Variants in RAB40C observed in about 807,000 individuals in gnomAD.
RAB40C encodes the protein RAB40C, member RAS oncogene family.
A neutral mutation model predicts 28.1 loss-of-function variants in RAB40C; 8 were observed. That is an observed-to-expected ratio of 0.28 (90% CI 0.17 to 0.51). The LOEUF is 0.51. RAB40C is among the 20% of genes least tolerant of loss of function. The probability of loss-of-function intolerance (pLI) is 0.97; values close to 1 mark genes in which losing one functional copy is unlikely to be tolerated. For synonymous variants in RAB40C, 201 were observed against 171.7 expected (o/e 1.17, Z -1.34); for missense variants, 288 against 405.9 (o/e 0.71, Z 2.50).
chr16:593,567 C>T (rs2036047345), intron 1 of RAB40C, among the ~76,000 whole-genome samples: 1 of 152,244 alleles, frequency 6.6e-6, no homozygotes, highest in Non-Finnish European at 1.5e-5. Flanking sequence ...GATCGCTTAC[C>T]TGCCTGGAAG....
chr16:601,750 C>T (rs952198990), intron 1 of RAB40C, among the ~76,000 whole-genome samples: 3 of 142,222 alleles, frequency 2.1e-5, no homozygotes, highest in African/African-American at 5.2e-5. Context: ...TCAAGGCAGG[C>T]GATCCCCTGA....
intron 4 of RAB40C, 130 bp downstream of exon 4, chr16:625,639 C>A (rs373184120): frequency 3.0e-6 from 3 of 1,003,790 alleles, no homozygotes; most frequent in Non-Finnish European, 3.0e-6. Flanking sequence ...CACTGTCCCA[C>A]GGCCTACGCC....
At chr16:595,132 G>A (rs987959629) in intron 1 of RAB40C, among the ~76,000 whole-genome samples, 1 of 152,174 alleles carries the variant, frequency 6.6e-6, no homozygotes, top group Non-Finnish European at 1.5e-5. Flanking sequence ...GTGAGGTGCC[G>A]GGTTTTCCAG....
intron 1 of RAB40C, among the ~76,000 whole-genome samples, chr16:614,640 C>T (rs1012485894): frequency 2.0e-5 from 3 of 150,948 alleles, no homozygotes; most frequent in Non-Finnish European, 4.4e-5. Flanking sequence ...CTAACTCTGC[C>T]GTATCCCGAT....
intron 1 of RAB40C, among the ~76,000 whole-genome samples, chr16:602,630 A>C (rs2036277683): frequency 6.6e-6 from 1 of 151,822 alleles, no homozygotes; most frequent in Non-Finnish European, 1.5e-5. Context: ...ATGAGGTTTC[A>C]CCATGTCGGC....
intron 1 of RAB40C, among the ~76,000 whole-genome samples, chr16:611,847 C>T (rs1336995501): frequency 2.8e-5 from 1 of 35,970 alleles, no homozygotes; most frequent in African/African-American, 1.5e-4. Context: ...GACAGCCGCC[C>T]TGGCCTGTAG....
At chr16:615,749 G>A (rs2036573004) in intron 1 of RAB40C, among the ~76,000 whole-genome samples, 1 of 152,076 alleles carries the variant, frequency 6.6e-6, no homozygotes, top group Non-Finnish European at 1.5e-5. Flanking sequence ...ATCACCTGAG[G>A]TCAGGAATTT....
intron 3 of RAB40C, among the ~76,000 whole-genome samples, chr16:622,107 G>A (rs150296815): frequency 3.9e-5 from 6 of 152,296 alleles, no homozygotes; most frequent in East Asian, 3.9e-4. Flanking sequence ...TTCAAACCTC[G>A]GATCTTTGTA....
chr16:594,812 G>A (rs956281936), intron 1 of RAB40C, among the ~76,000 whole-genome samples: 5 of 146,968 alleles, frequency 3.4e-5, no homozygotes, highest in African/African-American at 1.3e-4. Context: ...GGTTTTGCTC[G>A]TCTTCCTTTT....
At chr16:606,848 A>G (rs936043198) in intron 1 of RAB40C, among the ~76,000 whole-genome samples, 5 of 152,176 alleles carry the variant, frequency 3.3e-5, no homozygotes, top group African/African-American at 1.2e-4. Context: ...AATTGGCCCC[A>G]CCCAGATAAT....
At chr16:602,938 A>C (rs1567186455) in intron 1 of RAB40C, among the ~76,000 whole-genome samples, 1 of 152,302 alleles carries the variant, frequency 6.6e-6, no homozygotes, top group South Asian at 2.1e-4. Context: ...GTAATCATTG[A>C]AAGTAATCTG....
At chr16:622,862 G>A (rs1232008056) in intron 3 of RAB40C, among the ~76,000 whole-genome samples, 1 of 152,204 alleles carries the variant, frequency 6.6e-6, no homozygotes, top group Non-Finnish European at 1.5e-5. Flanking sequence ...CAGTGGAAGA[G>A]TCTGTTTGTC....
chr16:625,376 C>T (rs1478746114), intron 3 of RAB40C, 56 bp from the exon 4 acceptor site: 1 of 1,589,686 alleles, frequency 6.3e-7, no homozygotes, highest in Non-Finnish European at 8.6e-7. Flanking sequence ...CGTCCCTGGG[C>T]CTGGGCTGGC....
chr16:594,671 C>T (rs1266712891), intron 1 of RAB40C, among the ~76,000 whole-genome samples: 1 of 152,084 alleles, frequency 6.6e-6, no homozygotes, highest in Non-Finnish European at 1.5e-5. Context: ...CTGAGGGTTT[C>T]GTGGGAGGTT....
At chr16:601,578 G>C (rs953754697) in intron 1 of RAB40C, among the ~76,000 whole-genome samples, 1 of 152,020 alleles carries the variant, frequency 6.6e-6, no homozygotes, top group Non-Finnish European at 1.5e-5. Flanking sequence ...AGTTCACTAG[G>C]GCCATGCATG....
At chr16:619,596 G>A (rs1200857476) in intron 3 of RAB40C, among the ~76,000 whole-genome samples, 3 of 152,176 alleles carry the variant, frequency 2.0e-5, no homozygotes, top group African/African-American at 7.2e-5. Context: ...TGTCTGTGAT[G>A]CCCCTAAGAG....
intron 1 of RAB40C, among the ~76,000 whole-genome samples, chr16:601,513 G>A (rs1000255595): frequency 1.3e-5 from 2 of 152,100 alleles, no homozygotes; most frequent in African/African-American, 4.8e-5. Flanking sequence ...CCCCGCCGCA[G>A]CCGCGTCAGC....
chr16:605,407 C>A (rs189930249), intron 1 of RAB40C, among the ~76,000 whole-genome samples: 219 of 152,318 alleles, frequency 1.4e-3, no homozygotes, highest in Middle Eastern at 3.4e-3. Flanking sequence ...GTCTGCAATA[C>A]AGTGAGTGCG....
In RAB40C at chr16:627,661, G is replaced by A. The variant is rs548693167; in HGVS notation, c.*39G>A. On this transcript the variant is annotated 3_prime_UTR_variant, in exon 6 of 6. Coordinates refer to ENST00000248139, the MANE Select transcript of RAB40C (RefSeq NM_021168.5). ...GGCCGCCTGTGCAGATGCCAGGAGG[G>A]CTCGAGCTGGACACTCCTGGCTGGA... 2 of 1,536,462 alleles carry A rather than the reference G, an allele frequency of 1.3e-6. No homozygotes were observed. Among genetic ancestry groups the A allele is most frequent in the African/African-American group, 2.7e-5 (2 of 72,918 alleles).
Sources: gnomAD v4.1 joint callset for allele counts (sites outside exome capture counted in the v4.1 genomes callset) on GRCh38, gnomAD v4.1.1 for gene constraint, MANE v1.5 for transcripts, NCBI Gene and HGNC (gene_info 2026-07-23, HGNC 2026-07-21) for gene names.